KIF13A: variants seen among roughly 807,000 people sequenced by gnomAD.
The protein encoded by KIF13A is kinesin-like protein KIF13A.
KIF13A carries 79 observed loss-of-function variants against 212.2 expected under a neutral mutation model. The observed-to-expected ratio is 0.37, with a 90% CI of 0.31 to 0.45. KIF13A has a LOEUF of 0.45. KIF13A is among the 20% of genes least tolerant of loss of function. KIF13A has a pLI of 1.00. For synonymous variants in KIF13A, 789 were observed against 808.6 expected, an observed-to-expected ratio of 0.98 and a Z score of 0.41; for missense variants, 1,901 against 2,209.0, an observed-to-expected ratio of 0.86 and a Z score of 2.79.
chr6:17,823,766 C>T (rs371704318), intron 16 of KIF13A, among the ~76,000 whole-genome samples: 127 of 152,018 alleles, frequency 8.4e-4, no homozygotes, highest in Non-Finnish European at 1.3e-3. Context: ...CCATGCCTGG[C>T]TAATTTCTGT....
In KIF13A at chr6:17,779,776, G is replaced by A. The variant is rs1581895239; in HGVS notation, c.3847-92C>T. On this transcript the variant is annotated intron_variant, in intron 31 of 38. Transcript: ENST00000259711. ...TTTTTTTTTGAGATGGAGTCTCGCT[G>A]TCGCCCAGGCTGGAGGGCAGTGGCG... The A allele has an allele frequency of 3.6e-5, 18 of 499,538 alleles. 1 individual carries two copies. Among genetic ancestry groups the A allele is most frequent in the African/African-American group, 7.0e-5 (3 of 43,140 alleles). 30.9% of individuals were successfully genotyped at this position (499,538 alleles called of 1,614,324 possible).
At position 17,825,586 on chromosome 6, in the gene KIF13A, A is replaced by T. The variant is rs1235429890; in HGVS notation, c.1786+182T>A. On this transcript the variant is annotated intron_variant, in intron 16 of 38. Coordinates refer to ENST00000259711, the MANE Select transcript of KIF13A (RefSeq NM_022113.6). The surrounding 1 kb of genome is among the most constrained non-coding windows in gnomAD (Gnocchi z 4.5). ...TCCATATCCTCATTGTAACTGAGGGAGAAGACCATCTCCCCCACATCTTGT... is the reference window on the plus strand; with the variant it reads ...TCCATATCCTCATTGTAACTGAGGGTGAAGACCATCTCCCCCACATCTTGT... Among the ~76,000 whole-genome samples, 2 of 152,198 alleles carry T rather than the reference A, an allele frequency of 1.3e-5. No homozygotes were observed. The highest frequency in any genetic ancestry group is 2.9e-5 in the Non-Finnish European group (2 of 68,036).
intron 3 of KIF13A, among the ~76,000 whole-genome samples, chr6:17,877,239 T>C (rs889951792): frequency 1.3e-5 from 2 of 152,096 alleles, no homozygotes; most frequent in South Asian, 2.1e-4. Flanking sequence ...TTTAGGTATA[T>C]ATGATGTACT....
Position 17,796,649 on chromosome 6 carries a change from G to A in KIF13A, c.2942+20C>T. 1 of 1,448,948 alleles carries A rather than the reference G, an allele frequency of 6.9e-7. No homozygotes were observed. The highest frequency in any genetic ancestry group is 9.2e-7 in the Non-Finnish European group (1 of 1,086,686). The allele number at this position is 1,448,948 out of a possible 1,614,324, so 89.8% of individuals were successfully genotyped here. A position where few individuals can be genotyped will look rare whatever the true frequency, so the allele number is the denominator to read the frequency against. Reference sequence around the variant, plus strand: ...TCCTAGTCTTAACCTTGTACCTAAAGCTCACAGCCAAGTACAAACCTGTCA... The same window carrying A: ...TCCTAGTCTTAACCTTGTACCTAAAACTCACAGCCAAGTACAAACCTGTCA... On this transcript the variant is annotated intron_variant, in intron 23 of 38. Transcript: ENST00000259711.
intron 18 of KIF13A, among the ~76,000 whole-genome samples, chr6:17,808,008 T>A (rs560314135): frequency 0.016 from 2,486 of 152,282 alleles, 76 homozygotes; most frequent in African/African-American, 0.056. Flanking sequence ...GACAGGAAAC[T>A]CCCAGACGCT....
At chr6:17,970,474 G>A (rs1779721293) in intron 2 of KIF13A, among the ~76,000 whole-genome samples, 1 of 152,076 alleles carries the variant, frequency 6.6e-6, no homozygotes, top group South Asian at 2.1e-4. Context: ...ATATCAGGAT[G>A]CTGAGAGAGG....
In KIF13A at chr6:17,959,771, C is replaced by A. The variant is rs1581860928; in HGVS notation, c.146+27283G>T. 2.6e-5 allele frequency among the ~76,000 whole-genome samples: 4 copies of A among 152,356 alleles called. No homozygotes were observed. In the South Asian group the frequency reaches 8.3e-4, roughly 32 times the overall value. On this transcript the variant is annotated intron_variant, in intron 2 of 38. Coordinates refer to ENST00000259711, the MANE Select transcript of KIF13A (RefSeq NM_022113.6). ...GGGCGCAGTGGCTCACGCCCGTAAT[C>A]CCAGCACTTTGGGAGGCCGAGGCCG...
At position 17,783,327 on chromosome 6, in the gene KIF13A, G is replaced by C. The variant is rs138298293; in HGVS notation, c.3544+319C>G. ...AGGAGAGTTAAGGGCACTAGTCAGA[G>C]ATGCAGATTCATAGGCCCTTGCCAA... is the stretch of plus-strand genomic sequence containing the variant. On this transcript the variant is annotated intron_variant, in intron 29 of 38. Coordinates refer to ENST00000259711, the MANE Select transcript of KIF13A (RefSeq NM_022113.6). The surrounding 1 kb of genome is among the most constrained non-coding windows in gnomAD (Gnocchi z 4.3). 2.3e-3 allele frequency among the ~76,000 whole-genome samples: 351 copies of C among 152,362 alleles called. 1 individual carries two copies. Among genetic ancestry groups the C allele is most frequent in the African/African-American group, 7.9e-3 (328 of 41,588 alleles).
chr6:17,960,535 C>G (rs1243498701), intron 2 of KIF13A, among the ~76,000 whole-genome samples: 2 of 152,014 alleles, frequency 1.3e-5, no homozygotes, highest in African/African-American at 2.4e-5. Flanking sequence ...GGGGTAATAA[C>G]CTTCAATACT....
intron 12 of KIF13A, among the ~76,000 whole-genome samples, chr6:17,832,031 TAAAGC>T: frequency 6.6e-6 from 1 of 152,140 alleles, no homozygotes; most frequent in Admixed American, 6.6e-5. Context: ...TGGAGAAACA[TAAAGC>T]AATGTTAAGC....
In KIF13A at chr6:17,987,452, G is replaced by C; in HGVS notation, c.12C>G (p.Thr4=). The C allele has an allele frequency of 7.5e-7, 1 of 1,327,974 alleles. No homozygotes were observed. The highest frequency in any genetic ancestry group is 1.3e-5 in the South Asian group (1 of 77,770). 82.3% of individuals were successfully genotyped at this position (1,327,974 alleles called of 1,614,324 possible). A position where few individuals can be genotyped will look rare whatever the true frequency, so the allele number is the denominator to read the frequency against. Residue 4 remains threonine, a synonymous_variant, in exon 1 of 39, where the codon ACC becomes ACG. Transcript: ENST00000259711. This position sits in a 1 kb window ranked among gnomAD's most constrained non-coding sequence, Gnocchi z 7.7. MSD[T]KVKVAVRVRP... is the part of the protein sequence containing the mutation. ...GGACCCGGACGGCAACTTTTACCTTGGTATCCGACATGTTGGCTGCGCTCG... is the reference window on the plus strand; with the variant it reads ...GGACCCGGACGGCAACTTTTACCTTCGTATCCGACATGTTGGCTGCGCTCG...
intron 2 of KIF13A, among the ~76,000 whole-genome samples, chr6:17,978,133 C>G (rs189244042): frequency 6.6e-6 from 1 of 152,328 alleles, no homozygotes; most frequent in East Asian, 1.9e-4. Context: ...TCAGGTCTTT[C>G]TAGTCCTGTG....
intron 2 of KIF13A, among the ~76,000 whole-genome samples, chr6:17,932,034 C>A (rs1776029144): frequency 6.6e-6 from 1 of 152,104 alleles, no homozygotes; most frequent in Admixed American, 6.6e-5. Flanking sequence ...AATGCTTGAG[C>A]CCCACTGCAG....
At position 17,856,349 on chromosome 6, in the gene KIF13A, T is replaced by A. The variant is rs1037534845; in HGVS notation, c.221-227A>T. Among the ~76,000 whole-genome samples the A allele has an allele frequency of 5.9e-5, 9 of 152,204 alleles. No homozygotes were observed. The highest frequency in any genetic ancestry group is 2.6e-4 in the Admixed American group (4 of 15,280). ...ACTGTTTCCCTCTAAGACACTTCTC[T>A]AGATATTAAAGTTTTCTTTCCATTG... is the stretch of plus-strand genomic sequence containing the variant. On this transcript the variant is annotated intron_variant, in intron 4 of 38. Transcript: ENST00000259711. This position sits in a 1 kb window ranked among gnomAD's most constrained non-coding sequence, Gnocchi z 4.5.
intron 4 of KIF13A, 73 bp downstream of exon 4, chr6:17,873,304 A>C (rs564537233): frequency 1.0e-5 from 10 of 975,018 alleles, no homozygotes; most frequent in Non-Finnish European, 1.4e-5. Flanking sequence ...ACTCCAGAGG[A>C]ATTAAAGAAA....
intron 2 of KIF13A, among the ~76,000 whole-genome samples, chr6:17,942,434 T>A (rs1057220331): frequency 2.0e-5 from 3 of 152,072 alleles, no homozygotes; most frequent in African/African-American, 7.2e-5. Flanking sequence ...TCTGGTGTTG[T>A]CATTGAATTA....
rs1206669830 is a variant in KIF13A at position 17,816,857 on chromosome 6, G to A, written c.2000+163C>T. ...TAACATTATAGTAAACATACTTAGGGTGGACAATATTTGTGAAAGGAAAAG... is the reference window on the plus strand; with the variant it reads ...TAACATTATAGTAAACATACTTAGGATGGACAATATTTGTGAAAGGAAAAG... On this transcript the variant is annotated intron_variant, in intron 17 of 38. Coordinates refer to ENST00000259711, the MANE Select transcript of KIF13A (RefSeq NM_022113.6). This position sits in a 1 kb window ranked among gnomAD's most constrained non-coding sequence, Gnocchi z 4.3. Among the ~76,000 whole-genome samples the A allele has an allele frequency of 6.6e-6, 1 of 152,148 alleles. No individual in the cohort carries two copies. Among genetic ancestry groups the A allele is most frequent in the East Asian group, 1.9e-4 (1 of 5,200 alleles).
chr6:17,790,798 A>T (rs960397601), intron 25 of KIF13A, among the ~76,000 whole-genome samples: 3 of 152,194 alleles, frequency 2.0e-5, no homozygotes, highest in Admixed American at 2.0e-4. Context: ...TACACTGTTG[A>T]AATAAAAGCA....
At chr6:17,929,429 C>G (rs369189251) in intron 2 of KIF13A, among the ~76,000 whole-genome samples, 4 of 147,038 alleles carry the variant, frequency 2.7e-5, no homozygotes, top group African/African-American at 1.0e-4. Context: ...GAGACAGAGT[C>G]TCGCTCTGTT....
Sources: gnomAD v4.1 joint callset for allele counts (sites outside exome capture counted in the v4.1 genomes callset) on GRCh38, gnomAD v4.1.1 for gene constraint, Gnocchi (gnomAD v3.1) non-coding constraint, MANE v1.5 for transcripts, NCBI Gene and HGNC (gene_info 2026-07-23, HGNC 2026-07-21) for gene names.